The following GRIP1 variants were observed in gnomAD, a reference collection of about 807,000 sequenced individuals.
The protein encoded by GRIP1 is glutamate receptor-interacting protein 1.
GRIP1 carries 45 observed loss-of-function variants against 129.9 expected under a neutral mutation model. The ratio of observed to expected loss-of-function variants is 0.35; its 90% CI spans 0.27 to 0.44. The LOEUF (loss-of-function observed/expected upper bound fraction) is 0.44. Among genes scored for constraint, GRIP1 ranks in the 20% least tolerant of loss-of-function variants. GRIP1 has a pLI of 1.00. For synonymous variants in GRIP1, 530 were observed against 520.8 expected (o/e 1.02, Z -0.24); for missense variants, 1,196 against 1,396.8 (o/e 0.86, Z 2.29).
At chr12:66,613,605 T>A (rs2064908591) in intron 1 of GRIP1, among the ~76,000 whole-genome samples, 1 of 152,128 alleles carries the variant, frequency 6.6e-6, no homozygotes, top group Non-Finnish European at 1.5e-5. Flanking sequence ...GCAACAACTA[T>A]GAAAAAAAAG....
intron 1 of GRIP1, among the ~76,000 whole-genome samples, chr12:66,919,672 C>T (rs1592345064): frequency 6.6e-6 from 1 of 151,938 alleles, no homozygotes; most frequent in East Asian, 1.9e-4. Context: ...GACTTTTTTC[C>T]CCCAGATAAT....
intron 19 of GRIP1, among the ~76,000 whole-genome samples, chr12:66,390,868 C>T (rs567200526): frequency 6.6e-6 from 1 of 152,316 alleles, no homozygotes; most frequent in East Asian, 1.9e-4. Flanking sequence ...CATAGGTGAA[C>T]TTGTCACAAG....
chr12:66,740,217 G>C (rs187654507), intron 1 of GRIP1, among the ~76,000 whole-genome samples: 3 of 152,090 alleles, frequency 2.0e-5, no homozygotes, highest in Non-Finnish European at 4.4e-5. Context: ...AAAAATCACC[G>C]ATTTTTCATT....
chr12:66,973,943 A>G (rs1165933662), intron 1 of GRIP1, among the ~76,000 whole-genome samples: 2 of 113,312 alleles, frequency 1.8e-5, no homozygotes, highest in Non-Finnish European at 3.7e-5. Flanking sequence ...TTTTTGAGTC[A>G]GAGTCTCACT....
intron 1 of GRIP1, among the ~76,000 whole-genome samples, chr12:67,005,249 T>G (rs182116225): frequency 5.0e-4 from 76 of 152,280 alleles, no homozygotes; most frequent in African/African-American, 1.7e-3. Context: ...TAGTTTTCCA[T>G]CCCTTCTTCC....
chr12:66,452,078 C>G (rs76899535), intron 11 of GRIP1, among the ~76,000 whole-genome samples: 1 of 152,234 alleles, frequency 6.6e-6, no homozygotes, highest in East Asian at 1.9e-4. Context: ...AACTTCTACT[C>G]TTTGCCGCAA....
intron 1 of GRIP1, among the ~76,000 whole-genome samples, chr12:66,815,820 ATTTCTTTC>A (rs1002005391): frequency 1.7e-5 from 2 of 118,568 alleles, no homozygotes; most frequent in Admixed American, 1.7e-4. Context: ...AAGATGAAAG[ATTTCTTTC>A]TTTCTTTCTT....
chr12:66,369,765 T>C (rs993723048), intron 23 of GRIP1, among the ~76,000 whole-genome samples: 6 of 152,094 alleles, frequency 3.9e-5, no homozygotes, highest in African/African-American at 1.4e-4. Flanking sequence ...GTGCCAGCCG[T>C]CTTCTTGGTA....
intron 1 of GRIP1, among the ~76,000 whole-genome samples, chr12:66,648,726 T>C (rs565123678): frequency 1.3e-5 from 2 of 152,320 alleles, no homozygotes; most frequent in Admixed American, 6.5e-5. Flanking sequence ...AGTAATATTT[T>C]TGAGGTTCAC....
chr12:66,542,067 C>T (rs944913062), intron 2 of GRIP1, 117 bp from the exon 3 acceptor site: 11 of 879,402 alleles, frequency 1.3e-5, no homozygotes, highest in Middle Eastern at 2.3e-4. Context: ...TTATGGCCTC[C>T]TTCCATTGTA....
chr12:66,713,400 T>C (rs1592767634), intron 1 of GRIP1, among the ~76,000 whole-genome samples: 1 of 152,014 alleles, frequency 6.6e-6, no homozygotes, highest in Non-Finnish European at 1.5e-5. Flanking sequence ...GAATTTAAAA[T>C]TTAAGAATGA....
At chr12:66,789,587 T>TAAG (rs3970802) in intron 1 of GRIP1, among the ~76,000 whole-genome samples, 147,025 of 152,080 alleles carry the variant, frequency 0.97, 71,287 homozygotes, top group East Asian at 1. Flanking sequence ...TACAAATAGA[T>TAAG]AATGGTCCAT....
intron 1 of GRIP1, among the ~76,000 whole-genome samples, chr12:66,847,950 C>A (rs1699975343): frequency 6.6e-6 from 1 of 152,144 alleles, no homozygotes; most frequent in Non-Finnish European, 1.5e-5. Flanking sequence ...ATTTAAAAGG[C>A]AGCAAGTGAT....
chr12:66,847,038 G>C (rs960584263), intron 1 of GRIP1, among the ~76,000 whole-genome samples: 1 of 152,190 alleles, frequency 6.6e-6, no homozygotes, highest in Non-Finnish European at 1.5e-5. Flanking sequence ...CAATAAGGGA[G>C]AAGGATGGAG....
intron 1 of GRIP1, among the ~76,000 whole-genome samples, chr12:66,878,476 T>C (rs896725243): frequency 9.9e-5 from 15 of 151,230 alleles, no homozygotes; most frequent in Non-Finnish European, 4.4e-5. Context: ...GAGGAGAAAA[T>C]GGAGGGCAGA....
At chr12:66,599,797 C>T (rs1434728319) in intron 1 of GRIP1, among the ~76,000 whole-genome samples, 3 of 152,164 alleles carry the variant, frequency 2.0e-5, no homozygotes, top group Non-Finnish European at 4.4e-5. Flanking sequence ...ATCTAGACCA[C>T]TCTTTCATTA....
chr12:66,572,116 G>A (rs2062981431), intron 2 of GRIP1, among the ~76,000 whole-genome samples: 1 of 152,170 alleles, frequency 6.6e-6, no homozygotes, highest in Admixed American at 6.5e-5. Flanking sequence ...GTACTCAACA[G>A]AAAGTTTATA....
At chr12:66,411,049 G>A (rs1407667288) in intron 15 of GRIP1, among the ~76,000 whole-genome samples, 2 of 152,176 alleles carry the variant, frequency 1.3e-5, no homozygotes, top group Non-Finnish European at 2.9e-5. Context: ...CTCTTGTTCA[G>A]TTGACTTAGC....
At chr12:66,747,344 C>T (rs963874247) in intron 1 of GRIP1, among the ~76,000 whole-genome samples, 8 of 152,178 alleles carry the variant, frequency 5.3e-5, no homozygotes, top group Non-Finnish European at 7.3e-5. Flanking sequence ...GCTGCCTACA[C>T]AATCCAAGAG....
Sources: allele counts gnomAD v4.1 joint callset (sites outside exome capture counted in the v4.1 genomes callset), GRCh38; gene constraint gnomAD v4.1.1; transcripts MANE v1.5; gene names NCBI Gene and HGNC (gene_info 2026-07-23, HGNC 2026-07-21).